Variants in OVOL1 observed in about 807,000 individuals in gnomAD.
The protein encoded by OVOL1 is ovo like transcriptional repressor 1, also known as putative transcription factor Ovo-like 1.
In OVOL1, 10 loss-of-function variants were observed where a neutral mutation model predicts 21.5. That is an observed-to-expected ratio of 0.46 (90% CI 0.29 to 0.79). OVOL1 has a LOEUF of 0.79. Ranked by LOEUF, OVOL1 falls within the 30% of genes least tolerant of loss-of-function variation. The pLI, the probability that OVOL1 is intolerant of heterozygous loss-of-function variation, is 0.10. For missense variants in OVOL1, 279 were observed against 362.3 expected, an observed-to-expected ratio of 0.77 and a Z score of 1.87; for synonymous variants, 129 against 150.3, an observed-to-expected ratio of 0.86 and a Z score of 1.03.
chr11:65,793,762 T>C lies in OVOL1; in HGVS notation c.101-269T>C, dbSNP rs1012482430. The stretch of plus-strand genomic sequence containing the variant: ...CAGGCAGAAAACTCCGGAGGGATAA[T>C]TGGCAGGGCAGTTCGGTCCTCCCAG... On this transcript the variant is annotated intron_variant, in intron 1 of 3. Coordinates refer to ENST00000335987, the MANE Select transcript of OVOL1 (RefSeq NM_004561.4). 5.4e-5 allele frequency: 29 copies of C among 534,170 alleles called. No individual in the cohort carries two copies. In the Admixed American group the frequency reaches 7.9e-4, roughly 15 times the overall value. The allele number at this position is 534,170 out of a possible 1,614,324, so 33.1% of individuals were successfully genotyped here.
intron 1 of OVOL1, chr11:65,793,663 T>G: frequency 6.4e-6 from 2 of 314,458 alleles, no homozygotes; most frequent in Non-Finnish European, 1.2e-5. Flanking sequence ...GGGCAGAAGG[T>G]CTCCACTGGT....
At chr11:65,792,940 G>A (rs1858051727) in intron 1 of OVOL1, among the ~76,000 whole-genome samples, 2 of 152,244 alleles carry the variant, frequency 1.3e-5, no homozygotes, top group South Asian at 4.1e-4. Flanking sequence ...ATGGCAGGGT[G>A]CACAGGGCCG....
chr11:65,793,855 T>C, intron 1 of OVOL1, 176 bp from the exon 2 acceptor site: 1 of 604,990 alleles, frequency 1.7e-6, no homozygotes. Flanking sequence ...ATTACCTTAA[T>C]AGGGCGGGAA....
chr11:65,791,858 C>T (rs917849716), intron 1 of OVOL1, among the ~76,000 whole-genome samples: 2 of 152,244 alleles, frequency 1.3e-5, no homozygotes, highest in African/African-American at 4.8e-5. Flanking sequence ...ACAAGCAGGG[C>T]CCAACCAGTT....
intron 1 of OVOL1, among the ~76,000 whole-genome samples, chr11:65,793,517 G>A (rs951764743): frequency 3.9e-5 from 6 of 152,206 alleles, no homozygotes; most frequent in East Asian, 1.9e-4. Flanking sequence ...AGCAGGGACC[G>A]GCCTGCTGGG....
chr11:65,791,155 T>C lies in OVOL1; in HGVS notation c.101-2876T>C, dbSNP rs1858008780. Among the ~76,000 whole-genome samples the C allele has an allele frequency of 2.0e-5, 3 of 152,230 alleles. 1 individual carries two copies. The South Asian group carries it at 6.2e-4, about 32-fold the overall frequency. On this transcript the variant is annotated intron_variant, in intron 1 of 3. Transcript: ENST00000335987. ...CACTGTCTGAGGCGACCTGTGGCAG[T>C]TCACAGCGTGGAAACAGAAGGCCAA...
intron 3 of OVOL1, 90 bp downstream of exon 3, chr11:65,794,817 G>A (rs775433996): frequency 7.4e-6 from 10 of 1,351,466 alleles, no homozygotes; most frequent in East Asian, 4.6e-5. Context: ...GCTCTCCCTC[G>A]GTGACGGGCA....
Position 65,793,164 on chromosome 11 carries a change from C to G in OVOL1, c.101-867C>G, listed in dbSNP as rs370118241. Among the ~76,000 whole-genome samples the G allele has an allele frequency of 1.1e-3, 173 of 152,340 alleles. 1 individual carries two copies. Among genetic ancestry groups the G allele is most frequent in the African/African-American group, 4.0e-3 (165 of 41,584 alleles). Reference sequence around the variant, plus strand: ...TTGAGAATTGCCTGTCTGTGTCCCTCGAGAGTGCTCTCTTTCTGGTCCTCT... The same window carrying G: ...TTGAGAATTGCCTGTCTGTGTCCCTGGAGAGTGCTCTCTTTCTGGTCCTCT... On this transcript the variant is annotated intron_variant, in intron 1 of 3. Transcript: ENST00000335987.
intron 3 of OVOL1, 61 bp from the exon 4 acceptor site, chr11:65,794,985 C>A: frequency 1.3e-6 from 2 of 1,537,938 alleles, no homozygotes; most frequent in South Asian, 1.2e-5. Flanking sequence ...TGTCTGGAAG[C>A]AGCCGACAGC....
Position 65,794,730 on chromosome 11 carries a change from A to G in OVOL1, c.508+3A>G. The G allele has an allele frequency of 6.2e-7, 1 of 1,613,032 alleles. No homozygotes were observed. Among genetic ancestry groups the G allele is most frequent in the Non-Finnish European group, 8.5e-7 (1 of 1,179,732 alleles). ...GAGACACGTCCGAACTCACACTGGT[A>G]AGTGGAAGCCCACGGCTGGGAGGAG... On this transcript the variant is annotated splice_donor_region_variant and intron_variant, in intron 3 of 3. Transcript: ENST00000335987.
intron 1 of OVOL1, among the ~76,000 whole-genome samples, chr11:65,788,040 G>C (rs1857938569): frequency 6.6e-6 from 1 of 152,158 alleles, no homozygotes; most frequent in Admixed American, 6.5e-5. Context: ...ATTTTCGTTG[G>C]GCTCCGGCTG....
chr11:65,794,171 C>T lies in OVOL1; in HGVS notation c.241C>T (p.Gln81Ter). The change falls in exon 2 of 4, where the codon CAG becomes TAG. Residue 81 changes from glutamine to a stop codon, truncating the protein, a stop_gained. Transcript: ENST00000335987. LOFTEE classifies it high-confidence loss of function. ...GGCCCCCGGGCCCTGTGTGGTGGCC[C>T]AGCTGCCCTCTGAAGACATGGGCCA... ...SMAPGPCVVA[Q>*]LPSEDMGHLT... The T allele has an allele frequency of 6.2e-7, 1 of 1,613,718 alleles. No homozygotes were observed. The highest frequency in any genetic ancestry group is 8.5e-7 in the Non-Finnish European group (1 of 1,180,004).
At chr11:65,791,778 G>A (rs1255917910) in intron 1 of OVOL1, among the ~76,000 whole-genome samples, 1 of 152,264 alleles carries the variant, frequency 6.6e-6, no homozygotes. Context: ...CTCCACAGCT[G>A]TGGGCGGGTG....
intron 1 of OVOL1, among the ~76,000 whole-genome samples, chr11:65,792,721 G>A (rs988372239): frequency 6.6e-6 from 1 of 152,238 alleles, no homozygotes; most frequent in African/African-American, 2.4e-5. Context: ...GGGCGGCGGC[G>A]GGTGCATTCT....
chr11:65,792,708 T>A (rs1298062722), intron 1 of OVOL1, among the ~76,000 whole-genome samples: 1 of 152,240 alleles, frequency 6.6e-6, no homozygotes, highest in Non-Finnish European at 1.5e-5. Flanking sequence ...CAGGACGGGT[T>A]CTGGGCGGCG....
chr11:65,796,503 C>G lies in OVOL1; in HGVS notation c.*1162C>G, dbSNP rs774832781. On this transcript the variant is annotated 3_prime_UTR_variant, in exon 4 of 4. Coordinates refer to ENST00000335987, the MANE Select transcript of OVOL1 (RefSeq NM_004561.4). ...AGACCGGCCCTTTTCTTGGTTGAGTCAAAAGCCTTAGCACAGTGGCAAAAA... is the reference window on the plus strand; with the variant it reads ...AGACCGGCCCTTTTCTTGGTTGAGTGAAAAGCCTTAGCACAGTGGCAAAAA... 6.6e-6 allele frequency: 1 copy of G among 152,226 alleles called. No individual in the cohort carries two copies. The highest frequency in any genetic ancestry group is 1.5e-5 in the Non-Finnish European group (1 of 68,062). 9.4% of individuals were successfully genotyped at this position (152,226 alleles called of 1,614,324 possible).
rs768360220 is a variant in OVOL1, at chr11:65,787,365, G to C, written c.-9G>C. 7.0e-6 allele frequency: 11 copies of C among 1,574,692 alleles called. No homozygotes were observed. The Admixed American group carries it at 2.0e-4, about 28-fold the overall frequency. ...GAAGCGGCCCGTGTCCAGCGACGAG[G>C]GTTCGAAAATGCCCCGCGCGTTCCT... is the stretch of plus-strand genomic sequence containing the variant. On this transcript the variant is annotated 5_prime_UTR_variant, in exon 1 of 4. Coordinates refer to ENST00000335987, the MANE Select transcript of OVOL1 (RefSeq NM_004561.4).
chr11:65,795,761 G>A lies in OVOL1; in HGVS notation c.*420G>A, dbSNP rs1269941480. The A allele has an allele frequency of 2.3e-5, 5 of 215,198 alleles. No homozygotes were observed. The highest frequency in any genetic ancestry group is 5.1e-5 in the Admixed American group (1 of 19,530). 13.3% of individuals were successfully genotyped at this position (215,198 alleles called of 1,614,324 possible). On this transcript the variant is annotated 3_prime_UTR_variant, in exon 4 of 4. Coordinates refer to ENST00000335987, the MANE Select transcript of OVOL1 (RefSeq NM_004561.4). This position sits in a 1 kb window ranked among gnomAD's most constrained non-coding sequence, Gnocchi z 5.7. ...CTGCAGGTCCCCAGTGGACATCAGA[G>A]TCAAAAGCACTGGCAAAGGGTACCC...
chr11:65,789,001 T>C, intron 1 of OVOL1: 2 of 985,732 alleles, frequency 2.0e-6, no homozygotes, highest in Non-Finnish European at 2.4e-6. Flanking sequence ...TGTGTTTGAC[T>C]TGCTGCTTAG....
Sources: gnomAD v4.1 joint callset for allele counts (sites outside exome capture counted in the v4.1 genomes callset) on GRCh38, gnomAD v4.1.1 for gene constraint, Gnocchi (gnomAD v3.1) non-coding constraint, MANE v1.5 for transcripts, NCBI Gene and HGNC (gene_info 2026-07-23, HGNC 2026-07-21) for gene names.